PRR5: variants seen among roughly 807,000 people sequenced by gnomAD.
PRR5 encodes proline-rich protein 5.
PRR5 carries 25 observed loss-of-function variants against 30.6 expected under a neutral mutation model. The ratio of observed to expected loss-of-function variants is 0.82; its 90% confidence interval spans 0.60 to 1.14. The LOEUF (loss-of-function observed/expected upper bound fraction) is 1.14, where lower values mean the gene tolerates loss of function less well. Among genes scored for constraint, PRR5 ranks in the 50% most tolerant of loss-of-function variants. PRR5 has a pLI of 0.00. For synonymous variants in PRR5, 286 were observed against 247.1 expected (o/e 1.16, Z -1.48); for missense variants, 600 against 547.1 (o/e 1.10, Z -0.96).
upstream of PRR5, among the ~76,000 whole-genome samples, chr22:44,674,977 G>A (rs904921529): frequency 1.4e-5 from 2 of 146,992 alleles, no homozygotes; most frequent in Admixed American, 6.8e-5. Context: ...GGCTGGGCGC[G>A]GTGGCTCACG....
chr22:44,703,585 G>A (rs2147012882), intron 1 of PRR5, among the ~76,000 whole-genome samples: 1 of 152,300 alleles, frequency 6.6e-6, no homozygotes, highest in East Asian at 1.9e-4. Flanking sequence ...CTAGAGGGCT[G>A]TCACATGCCT....
In PRR5 at chr22:44,732,365, A is replaced by G. The variant is rs1245472625; in HGVS notation, c.529A>G (p.Ile177Val). 1.2e-6 allele frequency: 2 copies of G among 1,610,770 alleles called. No homozygotes were observed. Among genetic ancestry groups the G allele is most frequent in the African/African-American group, 1.3e-5 (1 of 75,014 alleles). Residue 177 changes from isoleucine to valine, a missense_variant, in exon 6 of 8, where the codon ATC becomes GTC. Physicochemically the swap from Ile to Val is conservative, Grantham distance 29 (BLOSUM62 3). Transcript: ENST00000336985. Reference protein sequence around the residue: ...ARAHARVPPAIVQMLLVLQGV... With the variant: ...ARAHARVPPAVVQMLLVLQGV... ...GGCCCATGCCCGTGTGCCCCCTGCC[A>G]TCGTGCAGATGCTGCTGGTGCTGCA...
intron 2 of PRR5, among the ~76,000 whole-genome samples, chr22:44,716,804 T>C (rs765524549): frequency 3.9e-5 from 6 of 152,158 alleles, no homozygotes; most frequent in Non-Finnish European, 5.9e-5. Flanking sequence ...GCTCACCCTG[T>C]AATCCCAGCA....
intron 1 of PRR5, among the ~76,000 whole-genome samples, chr22:44,694,557 G>A (rs541210031): frequency 2.1e-4 from 32 of 152,128 alleles, no homozygotes; most frequent in Non-Finnish European, 3.8e-4. Flanking sequence ...GTTCTGGGTC[G>A]CTGGCAGACA....
chr22:44,721,565 G>A (rs1041310928), intron 2 of PRR5, among the ~76,000 whole-genome samples: 4 of 152,220 alleles, frequency 2.6e-5, no homozygotes, highest in African/African-American at 9.7e-5. Context: ...AGAAAAGAGG[G>A]GTTGCAAAGG....
At chr22:44,689,276 G>T (rs958616218) in intron 1 of PRR5, among the ~76,000 whole-genome samples, 2 of 152,122 alleles carry the variant, frequency 1.3e-5, no homozygotes, top group African/African-American at 4.8e-5. Flanking sequence ...TAACTCACGG[G>T]TCGTCTTTGG....
In PRR5 at chr22:44,729,919, T is replaced by C; in HGVS notation, c.323-1811T>C. 3 of 985,452 alleles carry C rather than the reference T, an allele frequency of 3.0e-6. No individual in the cohort carries two copies. The South Asian group carries it at 1.4e-4, about 46-fold the overall frequency. The allele number at this position is 985,452 out of a possible 1,614,324, so 61.0% of individuals were successfully genotyped here. On this transcript the variant is annotated intron_variant, in intron 4 of 7. Coordinates refer to ENST00000336985, the MANE Select transcript of PRR5 (RefSeq NM_181333.4). ...TCTTCCTGCCGCGGCGGAGGGGGAC[T>C]GAAGGGACTTTGTGTGTGGGCACAG...
Position 44,729,474 on chromosome 22 carries a change from T to C in PRR5, c.323-2256T>C, listed in dbSNP as rs1036360037. On this transcript the variant is annotated intron_variant, in intron 4 of 7. Coordinates refer to ENST00000336985, the MANE Select transcript of PRR5 (RefSeq NM_181333.4). ...TGCTACTGCCAGGCTGGAGCCAAGG[T>C]ACGGCGCGCACACACCCGGCCCCGT... The C allele has an allele frequency of 2.7e-5, 27 of 985,448 alleles. No individual in the cohort carries two copies. In the Admixed American group the frequency reaches 8.6e-4, roughly 31 times the overall value. The allele number at this position is 985,448 out of a possible 1,614,324, so 61.0% of individuals were successfully genotyped here.
At chr22:44,710,413 A>G (rs1928008646) in intron 1 of PRR5, among the ~76,000 whole-genome samples, 1 of 151,940 alleles carries the variant, frequency 6.6e-6, no homozygotes, top group African/African-American at 2.4e-5. Flanking sequence ...GGGGCTTCCT[A>G]GAGGAGGCGG....
intron 4 of PRR5, chr22:44,730,706 G>A: frequency 1.0e-6 from 1 of 983,058 alleles, no homozygotes; most frequent in Non-Finnish European, 1.2e-6. Context: ...AGCCCTCCCT[G>A]CCTGACCCTC....
intron 1 of PRR5, among the ~76,000 whole-genome samples, chr22:44,686,906 C>T (rs2146958488): frequency 6.6e-6 from 1 of 152,340 alleles, no homozygotes; most frequent in South Asian, 2.1e-4. Flanking sequence ...ACTACCACAC[C>T]CGGCAAATAC....
At chr22:44,710,771 G>A (rs1472893228) in intron 1 of PRR5, among the ~76,000 whole-genome samples, 6 of 152,134 alleles carry the variant, frequency 3.9e-5, no homozygotes, top group African/African-American at 1.2e-4. Context: ...TGTAATCTGG[G>A]GGCTGGTGGT....
intron 1 of PRR5, among the ~76,000 whole-genome samples, chr22:44,689,743 A>G (rs550275452): frequency 1.4e-4 from 21 of 152,110 alleles, no homozygotes; most frequent in Non-Finnish European, 4.4e-5. Context: ...CCACCTCCTG[A>G]GTTCAAGCAA....
At chr22:44,672,349 T>G (rs986270082), upstream of PRR5, among the ~76,000 whole-genome samples, 1 of 151,790 alleles carries the variant, frequency 6.6e-6, no homozygotes, top group Non-Finnish European at 1.5e-5. Flanking sequence ...GTTTGGGAGG[T>G]TGAGGCAGGT....
intron 6 of PRR5, chr22:44,734,669 G>A: frequency 4.6e-6 from 1 of 218,686 alleles, no homozygotes; most frequent in Admixed American, 5.4e-5. Flanking sequence ...CCTGCGTGGG[G>A]TCAGCCAGTG....
In PRR5 at chr22:44,710,449, G is replaced by A. The variant is rs1928015700; in HGVS notation, c.135-4142G>A. 2.0e-5 allele frequency among the ~76,000 whole-genome samples: 3 copies of A among 152,184 alleles called. No individual in the cohort carries two copies. In the South Asian group the frequency reaches 6.2e-4, roughly 32 times the overall value. ...TCCACATCTGGACAAGGGAGGTCATGGGCCGTTTCCACTCAAGCCCTCACC... is the reference window on the plus strand; with the variant it reads ...TCCACATCTGGACAAGGGAGGTCATAGGCCGTTTCCACTCAAGCCCTCACC... On this transcript the variant is annotated intron_variant, in intron 1 of 7. Coordinates refer to ENST00000336985, the MANE Select transcript of PRR5 (RefSeq NM_181333.4).
intron 1 of PRR5, among the ~76,000 whole-genome samples, chr22:44,714,310 C>G (rs767968850): frequency 6.6e-6 from 1 of 152,104 alleles, no homozygotes; most frequent in Non-Finnish European, 1.5e-5. Context: ...GTTAAGAACC[C>G]AGAAAGGAAG....
intron 1 of PRR5, among the ~76,000 whole-genome samples, chr22:44,693,581 T>C (rs1925472470): frequency 6.6e-6 from 1 of 151,292 alleles, no homozygotes; most frequent in African/African-American, 2.4e-5. Flanking sequence ...CTCCTCTGGG[T>C]CTCTGTATCT....
chr22:44,719,665 G>A (rs910486760), intron 2 of PRR5, among the ~76,000 whole-genome samples: 6 of 152,242 alleles, frequency 3.9e-5, no homozygotes, highest in African/African-American at 7.2e-5. Context: ...CTCTTCTAGC[G>A]TCCCATGTGG....
Sources: allele counts gnomAD v4.1 joint callset (sites outside exome capture counted in the v4.1 genomes callset), GRCh38; gene constraint gnomAD v4.1.1; transcripts MANE v1.5; gene names NCBI Gene and HGNC (gene_info 2026-07-23, HGNC 2026-07-21).